The following CDH3 variants were observed in gnomAD, a reference collection of about 807,000 sequenced individuals.
CDH3 encodes the protein cadherin 3.
CDH3 carries 54 observed loss-of-function variants against 82.0 expected under a neutral mutation model. The ratio of observed to expected loss-of-function variants is 0.66; its 90% CI spans 0.53 to 0.83. The LOEUF is 0.83. Ranked by LOEUF, CDH3 falls within the 40% of genes least tolerant of loss-of-function variation. CDH3 has a pLI of 0.00. For synonymous variants in CDH3, 446 were observed against 437.9 expected (o/e 1.02, Z -0.23); for missense variants, 1,054 against 1,084.6 (o/e 0.97, Z 0.40).
At chr16:68,670,891 G>A (rs1960866715) in intron 2 of CDH3, among the ~76,000 whole-genome samples, 5 of 152,018 alleles carry the variant, frequency 3.3e-5, no homozygotes, top group Non-Finnish European at 1.5e-5. Flanking sequence ...TGGCCAACAT[G>A]GTGAAACCCT....
At position 68,684,632 on chromosome 16, in the gene CDH3, C is replaced by T; in HGVS notation, c.1232C>T (p.Thr411Ile). The T allele has an allele frequency of 1.9e-6, 3 of 1,614,200 alleles. No individual in the cohort carries two copies. Among genetic ancestry groups the T allele is most frequent in the Non-Finnish European group, 2.5e-6 (3 of 1,180,030 alleles). The change falls in exon 10 of 16, where the codon ACC becomes ATC. Residue 411 changes from threonine to isoleucine, a missense_variant. By Grantham distance (89) the Thr-to-Ile change is moderately conservative. Coordinates refer to ENST00000264012, the MANE Select transcript of CDH3 (RefSeq NM_001793.6). ...KNQHTLYVEVTNEAPFVLKLP... is the reference protein window; with the variant it reads ...KNQHTLYVEVINEAPFVLKLP... ...CAGCACACCCTGTACGTTGAAGTGA[C>T]CAACGAGGCCCCTTTTGTGCTGAAG... is the stretch of plus-strand genomic sequence containing the variant.
chr16:68,649,865 A>T lies in CDH3; in HGVS notation c.160+4115A>T, dbSNP rs146860111. 4.9e-3 allele frequency among the ~76,000 whole-genome samples: 744 copies of T among 152,140 alleles called. 13 individuals carry two copies. The highest frequency in any genetic ancestry group is 0.017 in the African/African-American group (695 of 41,516). ...CCTGGCCAACATGGCGAAATCCCGT[A>T]TCTACTAAAAACACAAAAATTAGCT... On this transcript the variant is annotated intron_variant, in intron 2 of 15. Coordinates refer to ENST00000264012, the MANE Select transcript of CDH3 (RefSeq NM_001793.6).
At chr16:68,660,381 ATTCAT>A (rs1960530303) in intron 2 of CDH3, among the ~76,000 whole-genome samples, 1 of 152,244 alleles carries the variant, frequency 6.6e-6, no homozygotes, top group African/African-American at 2.4e-5. Context: ...AAACTACCAC[ATTCAT>A]TCACACTAGC....
At chr16:68,697,902 G>A (rs937770741) in intron 15 of CDH3, among the ~76,000 whole-genome samples, 1 of 152,136 alleles carries the variant, frequency 6.6e-6, no homozygotes, top group Non-Finnish European at 1.5e-5. Flanking sequence ...CAGGCATAGA[G>A]TGGTTAAGGG....
chr16:68,656,497 G>A (rs890333376), intron 2 of CDH3, among the ~76,000 whole-genome samples: 2 of 152,102 alleles, frequency 1.3e-5, no homozygotes, highest in Non-Finnish European at 2.9e-5. Flanking sequence ...ATCACACTAT[G>A]TACTTTATGT....
intron 12 of CDH3, among the ~76,000 whole-genome samples, chr16:68,688,980 C>T (rs1961490590): frequency 6.6e-6 from 1 of 152,174 alleles, no homozygotes; most frequent in Admixed American, 6.5e-5. Context: ...AAAGCATAAG[C>T]ATTATGGCCA....
At chr16:68,683,094 A>C (rs1223808952) in intron 9 of CDH3, among the ~76,000 whole-genome samples, 2 of 152,132 alleles carry the variant, frequency 1.3e-5, no homozygotes, top group Non-Finnish European at 2.9e-5. Context: ...CTAAAAAAGA[A>C]AAAAATGAAG....
intron 2 of CDH3, among the ~76,000 whole-genome samples, chr16:68,653,247 T>C (rs961888439): frequency 3.6e-5 from 5 of 137,322 alleles, no homozygotes; most frequent in Non-Finnish European, 6.3e-5. Context: ...TTTTATTTTA[T>C]TTTATTTTTG....
downstream of CDH3, among the ~76,000 whole-genome samples, chr16:68,728,412 G>A (rs1472512621): frequency 2.0e-5 from 3 of 152,054 alleles, no homozygotes; most frequent in Admixed American, 6.5e-5. Flanking sequence ...TCATCTGCCC[G>A]CCTCGGCCTC....
At chr16:68,717,950 A>G (rs1169166133) in intron 1 of CDH3, among the ~76,000 whole-genome samples, 1 of 152,030 alleles carries the variant, frequency 6.6e-6, no homozygotes, top group Non-Finnish European at 1.5e-5. Flanking sequence ...CAGAATCATG[A>G]GCTAAATAAA....
At chr16:68,726,564 T>G (rs13334821) in intron 2 of CDH3, among the ~76,000 whole-genome samples, 7,327 of 151,476 alleles carry the variant, frequency 0.048, 583 homozygotes, top group African/African-American at 0.17. Context: ...TTCCAGCTCT[T>G]TCATTTTTTT....
intron 2 of CDH3, among the ~76,000 whole-genome samples, chr16:68,648,268 A>G (rs1199775840): frequency 6.6e-6 from 1 of 152,190 alleles, no homozygotes; most frequent in Non-Finnish European, 1.5e-5. Context: ...CTCCTGGTAT[A>G]TGCCCAGGGC....
downstream of CDH3, among the ~76,000 whole-genome samples, chr16:68,731,379 A>T (rs1237490832): frequency 1.0e-4 from 1 of 9,574 alleles, no homozygotes; most frequent in Non-Finnish European, 2.3e-4. Context: ...AAAAAAAAAA[A>T]AAAAAAAAAA....
At chr16:68,725,970 G>T (rs991387069) in intron 2 of CDH3, among the ~76,000 whole-genome samples, 1 of 152,090 alleles carries the variant, frequency 6.6e-6, no homozygotes, top group South Asian at 2.1e-4. Flanking sequence ...TGGAAGGATC[G>T]CTTGAGCCCA....
At chr16:68,715,522 C>T (rs988126815) in intron 1 of CDH3, among the ~76,000 whole-genome samples, 41 of 152,090 alleles carry the variant, frequency 2.7e-4, no homozygotes, top group Admixed American at 2.2e-3. Flanking sequence ...TCAAGTAGCC[C>T]GGGCACACCC....
intron 2 of CDH3, among the ~76,000 whole-genome samples, chr16:68,654,013 G>A (rs543300038): frequency 2.0e-5 from 3 of 151,490 alleles, no homozygotes; most frequent in East Asian, 3.9e-4. Context: ...CACTGCTCCC[G>A]GCCAAATGTC....
chr16:68,685,478 A>ACCAATC, intron 11 of CDH3, 128 bp downstream of exon 11: 1 of 967,620 alleles, frequency 1.0e-6, no homozygotes, highest in Admixed American at 1.9e-5. Context: ...ACCAATCCAG[A>ACCAATC]CGGTCAAAGG....
chr16:68,669,942 C>A (rs1960840164), intron 2 of CDH3, among the ~76,000 whole-genome samples: 1 of 151,826 alleles, frequency 6.6e-6, no homozygotes, highest in Admixed American at 6.6e-5. Flanking sequence ...AACAGCAAGA[C>A]CCTGTATCTA....
Position 68,697,959 on chromosome 16 carries a change from G to A in CDH3, c.2281-232G>A, listed in dbSNP as rs140854356. Reference sequence around the variant, plus strand: ...TAGTGTGTGGTGTGAGTTCTGGCCCGGGCTGTCTGATTTCAGTCCTTGCCC... The same window carrying A: ...TAGTGTGTGGTGTGAGTTCTGGCCCAGGCTGTCTGATTTCAGTCCTTGCCC... On this transcript the variant is annotated intron_variant, in intron 15 of 15. Transcript: ENST00000264012. 3,522 of 619,860 alleles carry A rather than the reference G, an allele frequency of 5.7e-3. 15 individuals are homozygous for A. The highest frequency in any genetic ancestry group is 8.1e-3 in the Middle Eastern group (19 of 2,352). 38.4% of individuals were successfully genotyped at this position (619,860 alleles called of 1,614,324 possible). A position where few individuals can be genotyped will look rare whatever the true frequency, so the allele number is the denominator to read the frequency against.
Sources: gnomAD v4.1 joint callset for allele counts (sites outside exome capture counted in the v4.1 genomes callset) on GRCh38, gnomAD v4.1.1 for gene constraint, MANE v1.5 for transcripts, NCBI Gene and HGNC (gene_info 2026-07-23, HGNC 2026-07-21) for gene names.